GNAS: variants seen among roughly 807,000 people sequenced by gnomAD.
GNAS encodes protein ALEX.
GNAS carries 8 observed loss-of-function variants against 54.5 expected under a neutral mutation model. The ratio of observed to expected loss-of-function variants is 0.15; its 90% CI spans 0.09 to 0.26. The LOEUF (loss-of-function observed/expected upper bound fraction) is 0.26. GNAS is among the 10% of genes least tolerant of loss of function. The probability of loss-of-function intolerance (pLI) is 1.00; values close to 1 mark genes in which losing one functional copy is unlikely to be tolerated. For synonymous variants in GNAS, 204 were observed against 191.4 expected, an observed-to-expected ratio of 1.07 and a Z score of -0.54; for missense variants, 170 against 529.8, an observed-to-expected ratio of 0.32 and a Z score of 6.67.
intron 1 of GNAS, among the ~76,000 whole-genome samples, chr20:58,872,260 G>A (rs1421658821): frequency 6.6e-6 from 1 of 152,042 alleles, no homozygotes. Flanking sequence ...ACACTTCATG[G>A]AGCACAAGTG....
chr20:58,866,600 CTTT>C (rs1046985104), intron 1 of GNAS, among the ~76,000 whole-genome samples: 5 of 152,178 alleles, frequency 3.3e-5, no homozygotes, highest in African/African-American at 9.7e-5. Flanking sequence ...TTTATAACTT[CTTT>C]GTTATATTTT....
chr20:58,883,475 T>TA (rs758102829), intron 1 of GNAS, among the ~76,000 whole-genome samples: 9 of 152,140 alleles, frequency 5.9e-5, no homozygotes, highest in Non-Finnish European at 1.3e-4. Flanking sequence ...CTGTAGCTCA[T>TA]AAAAAATCTC....
intron 1 of GNAS, among the ~76,000 whole-genome samples, chr20:58,860,480 T>C (rs1483240520): frequency 6.6e-6 from 1 of 152,188 alleles, no homozygotes; most frequent in Non-Finnish European, 1.5e-5. Context: ...AGTATAGCGT[T>C]AGAATGTTTA....
chr20:58,899,106 A>G (rs767186978), intron 3 of GNAS, 121 bp downstream of exon 3: 2 of 804,584 alleles, frequency 2.5e-6, no homozygotes, highest in Admixed American at 1.9e-5. Context: ...ACCATCAGCC[A>G]TATTGGCATA....
chr20:58,840,099 C>CT, upstream of GNAS: 2 of 1,610,374 alleles, frequency 1.2e-6, no homozygotes, highest in South Asian at 2.2e-5. The surrounding 1 kb of genome is among the most constrained non-coding windows in gnomAD (Gnocchi z 6.0). Flanking sequence ...CGGTGTGTGC[C>CT]TAAGAGGATG....
chr20:58,902,192 G>A (rs973590706), intron 3 of GNAS, among the ~76,000 whole-genome samples: 7 of 151,848 alleles, frequency 4.6e-5, no homozygotes, highest in Admixed American at 2.0e-4. Context: ...GCATGACAAC[G>A]CCCTCACCTC....
In GNAS at chr20:58,853,617, C is replaced by T; in HGVS notation, c.43+12731C>T. Reference sequence around the variant, plus strand: ...CAGCTTGGGAGGCTTCTGGCCTACACTGGAGCAGCCTGGATTCCCCAGTGG... The same window carrying T: ...CAGCTTGGGAGGCTTCTGGCCTACATTGGAGCAGCCTGGATTCCCCAGTGG... On this transcript the variant is annotated intron_variant, in intron 1 of 12. Coordinates refer to the GNAS transcript ENST00000306090. This position sits in a 1 kb window ranked among gnomAD's most constrained non-coding sequence, Gnocchi z 4.4. The T allele has an allele frequency of 6.2e-7, 1 of 1,613,378 alleles. No individual in the cohort carries two copies. Among genetic ancestry groups the T allele is most frequent in the Non-Finnish European group, 8.5e-7 (1 of 1,179,876 alleles).
chr20:58,849,011 G>A, intron 1 of GNAS: 1 of 397,650 alleles, frequency 2.5e-6, no homozygotes, highest in Non-Finnish European at 4.4e-6. Flanking sequence ...TTTAAATTAA[G>A]GCAATTCCTA....
intron 1 of GNAS, among the ~76,000 whole-genome samples, chr20:58,847,102 G>A (rs1362957157): frequency 2.0e-5 from 3 of 152,222 alleles, no homozygotes; most frequent in Non-Finnish European, 4.4e-5. Flanking sequence ...ACAGTGGCAT[G>A]CCTTGGCTGA....
chr20:58,899,655 ACACACACACG>A (rs1332590685), intron 3 of GNAS, among the ~76,000 whole-genome samples: 2 of 132,760 alleles, frequency 1.5e-5, no homozygotes, highest in Admixed American at 1.6e-4. Context: ...CCCATCACAC[ACACACACACG>A]CACACACATG....
intron 1 of GNAS, chr20:58,892,126 T>A: frequency 1.0e-6 from 1 of 963,530 alleles, no homozygotes; most frequent in Non-Finnish European, 1.2e-6. Flanking sequence ...GCTCAGTGTC[T>A]CTCTCTTGCT....
chr20:58,855,403 C>G, intron 1 of GNAS: 1 of 1,386,640 alleles, frequency 7.2e-7, no homozygotes. Context: ...GCAGGGCTGC[C>G]TGGTGGGGCT....
chr20:58,840,077 A>G (rs1339739956), upstream of GNAS: 4 of 1,607,218 alleles, frequency 2.5e-6, no homozygotes, highest in Non-Finnish European at 3.4e-6. This position sits in a 1 kb window ranked among gnomAD's most constrained non-coding sequence, Gnocchi z 6.0. Flanking sequence ...GCCAGAGGGC[A>G]GGCCGGCTTC....
upstream of GNAS, chr20:58,889,222 C>CCGGCGCGGCG (rs143800311): frequency 6.5e-5 from 78 of 1,199,922 alleles, no homozygotes; most frequent in African/African-American, 4.3e-4. Flanking sequence ...AGGTGGCTGG[C>CCGGCGCGGCG]CGGCGCGGCG....
chr20:58,842,110 G>A, intron 1 of GNAS: 3 of 400,256 alleles, frequency 7.5e-6, no homozygotes. Context: ...GTAGAGTTAA[G>A]TTTAATCTGT....
intron 6 of GNAS, among the ~76,000 whole-genome samples, chr20:58,908,395 G>A (rs1014032352): frequency 6.6e-6 from 1 of 152,092 alleles, no homozygotes; most frequent in African/African-American, 2.4e-5. Context: ...AGAGAACTTT[G>A]TGTTTGTTTC....
chr20:58,847,814 C>CT (rs1314838134), intron 1 of GNAS, among the ~76,000 whole-genome samples: 1 of 152,198 alleles, frequency 6.6e-6, no homozygotes, highest in Admixed American at 6.5e-5. Context: ...ACCCAGAAAG[C>CT]TGACAGGTAG....
At chr20:58,894,232 C>T (rs1237872944) in intron 1 of GNAS, among the ~76,000 whole-genome samples, 1 of 152,156 alleles carries the variant, frequency 6.6e-6, no homozygotes, top group Non-Finnish European at 1.5e-5. Flanking sequence ...AAAGATAGGT[C>T]CTGTAACTGT....
chr20:58,908,895 C>T (rs964805137), intron 6 of GNAS: 40 of 556,778 alleles, frequency 7.2e-5, no homozygotes, highest in African/African-American at 6.4e-4. Context: ...CCCACTGCGT[C>T]GAGGCCACAG....
Sources: allele counts gnomAD v4.1 joint callset (sites outside exome capture counted in the v4.1 genomes callset), GRCh38; gene constraint gnomAD v4.1.1; non-coding constraint Gnocchi (gnomAD v3.1); transcripts MANE v1.5; gene names NCBI Gene and HGNC (gene_info 2026-07-23, HGNC 2026-07-21).